Variants in EPHA6 observed in about 807,000 individuals in gnomAD.
EPHA6 encodes EPH receptor A6.
A neutral mutation model predicts 112.0 loss-of-function variants in EPHA6; 50 were observed. The ratio of observed to expected loss-of-function variants is 0.45; its 90% CI spans 0.36 to 0.56. The LOEUF (loss-of-function observed/expected upper bound fraction) is 0.56. EPHA6 is among the 20% of genes least tolerant of loss of function. The pLI is 0.00. For synonymous variants in EPHA6, 529 were observed against 490.7 expected (o/e 1.08, Z -1.03); for missense variants, 1,280 against 1,417.4 (o/e 0.90, Z 1.56).
At chr3:97,594,598 A>G (rs2107357805) in intron 12 of EPHA6, among the ~76,000 whole-genome samples, 1 of 152,340 alleles carries the variant, frequency 6.6e-6, no homozygotes, top group African/African-American at 2.4e-5. Flanking sequence ...CTACTATTTC[A>G]AAGAATTTTT....
intron 2 of EPHA6, among the ~76,000 whole-genome samples, chr3:96,986,725 G>C (rs570806658): frequency 6.6e-6 from 1 of 152,168 alleles, no homozygotes; most frequent in African/African-American, 2.4e-5. Flanking sequence ...TGTTCAGCTT[G>C]TTAACTGCTG....
intron 3 of EPHA6, among the ~76,000 whole-genome samples, chr3:97,031,447 G>C (rs2044837917): frequency 6.6e-6 from 1 of 152,016 alleles, no homozygotes; most frequent in Admixed American, 6.6e-5. Context: ...TTGACAAATG[G>C]GATCTAATTA....
At chr3:96,962,820 A>G (rs536019214) in intron 2 of EPHA6, among the ~76,000 whole-genome samples, 1 of 152,092 alleles carries the variant, frequency 6.6e-6, no homozygotes, top group East Asian at 1.9e-4. Flanking sequence ...CCAAAGACAA[A>G]GGAATAGAAA....
chr3:97,582,936 C>T (rs766382098), intron 11 of EPHA6, among the ~76,000 whole-genome samples: 9 of 151,518 alleles, frequency 5.9e-5, no homozygotes, highest in Non-Finnish European at 8.8e-5. Flanking sequence ...TATGAGAAAG[C>T]GACAATGTGA....
At chr3:96,851,496 G>C (rs1256190811) in intron 1 of EPHA6, among the ~76,000 whole-genome samples, 1 of 152,132 alleles carries the variant, frequency 6.6e-6, no homozygotes, top group Non-Finnish European at 1.5e-5. Flanking sequence ...CTAGGTTCTA[G>C]AAAAATTGGT....
At chr3:97,275,040 G>A (rs934933187) in intron 5 of EPHA6, among the ~76,000 whole-genome samples, 1 of 152,208 alleles carries the variant, frequency 6.6e-6, no homozygotes, top group Non-Finnish European at 1.5e-5. Flanking sequence ...GCCTCTAAAA[G>A]TATTAAAGCA....
At chr3:97,494,322 T>G (rs535636028) in intron 10 of EPHA6, among the ~76,000 whole-genome samples, 58 of 152,212 alleles carry the variant, frequency 3.8e-4, no homozygotes, top group Non-Finnish European at 8.2e-4. Context: ...GTTAGAATCT[T>G]ATAAACTTTC....
chr3:97,622,894 A>T (rs1576109760), intron 13 of EPHA6, among the ~76,000 whole-genome samples: 2 of 151,814 alleles, frequency 1.3e-5, no homozygotes, highest in Admixed American at 1.3e-4. Context: ...GGCCATTTGT[A>T]TATCTACTTT....
At chr3:97,334,154 C>T (rs887347296) in intron 5 of EPHA6, among the ~76,000 whole-genome samples, 2 of 152,024 alleles carry the variant, frequency 1.3e-5, no homozygotes, top group Admixed American at 6.6e-5. Flanking sequence ...GAAATCCCAC[C>T]TGGTCGTAGT....
At chr3:97,457,508 T>A (rs1248336796) in intron 7 of EPHA6, among the ~76,000 whole-genome samples, 2 of 152,166 alleles carry the variant, frequency 1.3e-5, no homozygotes, top group East Asian at 3.9e-4. Context: ...AGGTTAAAAG[T>A]ATTTCATATA....
chr3:97,474,565 T>C (rs1385029678), intron 7 of EPHA6, among the ~76,000 whole-genome samples: 3 of 151,932 alleles, frequency 2.0e-5, no homozygotes, highest in African/African-American at 7.2e-5. Context: ...GAATTGCCTA[T>C]TCCACTCATT....
At chr3:97,221,586 A>C (rs1191643641) in intron 3 of EPHA6, among the ~76,000 whole-genome samples, 1 of 152,130 alleles carries the variant, frequency 6.6e-6, no homozygotes, top group Non-Finnish European at 1.5e-5. Context: ...AAAAGTTCTC[A>C]AGACATGAGT....
At chr3:97,529,365 T>G (rs2092669317) in intron 10 of EPHA6, among the ~76,000 whole-genome samples, 2 of 152,082 alleles carry the variant, frequency 1.3e-5, no homozygotes. Flanking sequence ...AGTAATTTCT[T>G]AGACCTGACA....
chr3:97,289,320 C>T (rs1421047598), intron 5 of EPHA6, among the ~76,000 whole-genome samples: 2 of 152,134 alleles, frequency 1.3e-5, no homozygotes, highest in Non-Finnish European at 2.9e-5. Context: ...CATCCCAGCA[C>T]TATTTATTGA....
intron 1 of EPHA6, among the ~76,000 whole-genome samples, chr3:96,837,188 G>A (rs1045911545): frequency 6.6e-6 from 1 of 152,046 alleles, no homozygotes; most frequent in African/African-American, 2.4e-5. Flanking sequence ...GAAACAGATG[G>A]ACATAGCTTC....
At chr3:97,719,437 T>C (rs1382866137) in intron 14 of EPHA6, among the ~76,000 whole-genome samples, 2 of 152,170 alleles carry the variant, frequency 1.3e-5, no homozygotes, top group South Asian at 2.1e-4. Context: ...ACTCGCACTT[T>C]GGAGCTGCAG....
At chr3:97,365,206 C>T (rs1198336864) in intron 5 of EPHA6, among the ~76,000 whole-genome samples, 3 of 151,842 alleles carry the variant, frequency 2.0e-5, no homozygotes, top group South Asian at 4.1e-4. Flanking sequence ...TTCTACAGTA[C>T]GATGTTGATT....
chr3:97,553,774 C>T (rs2093063599), intron 11 of EPHA6, among the ~76,000 whole-genome samples: 1 of 152,078 alleles, frequency 6.6e-6, no homozygotes, highest in Non-Finnish European at 1.5e-5. Context: ...CAGGATGTCA[C>T]ATTGCTCTCC....
intron 14 of EPHA6, among the ~76,000 whole-genome samples, chr3:97,667,926 A>G (rs1322257669): frequency 6.6e-6 from 1 of 152,220 alleles, no homozygotes; most frequent in Non-Finnish European, 1.5e-5. Flanking sequence ...AGAGCAAGAC[A>G]GTAAATACCC....
Sources: gnomAD v4.1 joint callset for allele counts (sites outside exome capture counted in the v4.1 genomes callset) on GRCh38, gnomAD v4.1.1 for gene constraint, MANE v1.5 for transcripts, NCBI Gene and HGNC (gene_info 2026-07-23, HGNC 2026-07-21) for gene names.